The following H4C7 variants were observed in gnomAD, a reference collection of about 807,000 sequenced individuals.
H4C7 encodes the protein histone H4-like protein type G.
H4C7 carries 7 observed loss-of-function variants against 5.2 expected under a neutral mutation model. The observed-to-expected ratio is 1.34, with a 90% confidence interval of 0.76 to 2.52. H4C7 has a LOEUF of 2.52. Ranked by LOEUF, H4C7 falls within the 30% of genes most tolerant of loss-of-function variation. The pLI, the probability that H4C7 is intolerant of heterozygous loss-of-function variation, is 0.00. For synonymous variants in H4C7, 69 were observed against 57.5 expected (o/e 1.20, Z -0.90); for missense variants, 148 against 138.4 (o/e 1.07, Z -0.35).
Position 26,246,883 on chromosome 6 carries a change from T to C in H4C7, c.95A>G (p.Lys32Arg). The C allele has an allele frequency of 6.2e-7, 1 of 1,614,202 alleles. No homozygotes were observed. The highest frequency in any genetic ancestry group is 1.3e-5 in the African/African-American group (1 of 75,056). Reference protein sequence around the residue: ...VLSDNIQGITKCTIRRLARHG... With the variant: ...VLSDNIQGITRCTIRRLARHG... ...CCGGGCCAAGCGCCGGATAGTGCAC[T>C]TGGTAATGCCCTGAATATTATCGCT... The change falls in exon 1 of 1, where the codon AAG becomes AGG. Residue 32 changes from lysine (K) to arginine (R), a missense_variant. Coordinates refer to ENST00000611444, the MANE Select transcript of H4C7 (RefSeq NM_003547.3).
In H4C7 at chr6:26,246,629, G is replaced by T. The variant is rs1021351358; in HGVS notation, c.*52C>A. On this transcript the variant is annotated 3_prime_UTR_variant, in exon 1 of 1. Coordinates refer to ENST00000611444, the MANE Select transcript of H4C7 (RefSeq NM_003547.3). ...GAAAACGTACGCGGCCCTGAAAAGG[G>T]CCATTAACGATATTGCAAGGAAAGG... is the stretch of plus-strand genomic sequence containing the variant. 1.3e-6 allele frequency: 2 copies of T among 1,499,152 alleles called. No homozygotes were observed. The highest frequency in any genetic ancestry group is 1.8e-6 in the Non-Finnish European group (2 of 1,113,732). The allele number at this position is 1,499,152 out of a possible 1,614,324, so 92.9% of individuals were successfully genotyped here. A position where few individuals can be genotyped will look rare whatever the true frequency, so the allele number is the denominator to read the frequency against.
In H4C7 at chr6:26,246,660, C is replaced by T; in HGVS notation, c.*21G>A. 1.3e-6 allele frequency: 2 copies of T among 1,552,730 alleles called. No individual in the cohort carries two copies. Among genetic ancestry groups the T allele is most frequent in the Non-Finnish European group, 1.7e-6 (2 of 1,143,812 alleles). On this transcript the variant is annotated 3_prime_UTR_variant, in exon 1 of 1. Transcript: ENST00000611444. ...AACGATATTGCAAGGAAAGGCCTGG[C>T]CTCACTTAACCGCCAAAGCCTTACA...
Position 26,246,793 on chromosome 6 carries a change from A to G in H4C7, c.185T>C (p.Phe62Ser). 6.2e-7 allele frequency: 1 copy of G among 1,614,118 alleles called. No individual in the cohort carries two copies. The highest frequency in any genetic ancestry group is 2.2e-5 in the East Asian group (1 of 44,858). Residue 62 changes from phenylalanine (F) to serine (S), a missense_variant, in exon 1 of 1, where the codon TTC becomes TCC. Physicochemically the swap from Phe to Ser is radical, Grantham distance 155. Coordinates refer to ENST00000611444, the MANE Select transcript of H4C7 (RefSeq NM_003547.3). ...YEETRRVFKV[F>S]LENVIWYAVT... ...GGCGTACCAGATCACATTTTCCAGG[A>G]ACACCTTGAACACCCGGCGGGTCTC...
rs1265841666 is a variant in H4C7 at position 26,246,661 on chromosome 6, C to G, written c.*20G>C. The G allele has an allele frequency of 6.4e-7, 1 of 1,553,538 alleles. No homozygotes were observed. The highest frequency in any genetic ancestry group is 1.2e-5 in the South Asian group (1 of 83,690). ...ACGATATTGCAAGGAAAGGCCTGGC[C>G]TCACTTAACCGCCAAAGCCTTACAG... is the stretch of plus-strand genomic sequence containing the variant. On this transcript the variant is annotated 3_prime_UTR_variant, in exon 1 of 1. Coordinates refer to ENST00000611444, the MANE Select transcript of H4C7 (RefSeq NM_003547.3).
In H4C7 at chr6:26,246,842, G is replaced by C. The variant is rs781167452; in HGVS notation, c.136C>G (p.Arg46Gly). The C allele has an allele frequency of 1.9e-6, 3 of 1,614,152 alleles. No homozygotes were observed. Among genetic ancestry groups the C allele is most frequent in the South Asian group, 1.1e-5 (1 of 91,092 alleles). The part of the protein sequence containing the change: ...RRLARHGGVK[R>G]ILGLIYEETR... ...TCCTCATAAATGAGGCCCAAGATGC[G>C]CTTGACACCGCCATGCCGGGCCAAG... Residue 46 changes from arginine (R) to glycine (G), a missense_variant, in exon 1 of 1, where the codon CGC (arginine) becomes GGC (glycine). Coordinates refer to ENST00000611444, the MANE Select transcript of H4C7 (RefSeq NM_003547.3).
At position 26,246,759 on chromosome 6, in the gene H4C7, G is replaced by C; in HGVS notation, c.219C>G (p.Asn73Lys). The C allele has an allele frequency of 6.2e-7, 1 of 1,614,084 alleles. No homozygotes were observed. Among genetic ancestry groups the C allele is most frequent in the African/African-American group, 1.3e-5 (1 of 75,050 alleles). The change falls in exon 1 of 1, where the codon AAC becomes AAG. Residue 73 changes from asparagine (N) to lysine (K), a missense_variant. Physicochemically the swap from Asn to Lys is moderately conservative, Grantham distance 94. Coordinates refer to ENST00000611444, the MANE Select transcript of H4C7 (RefSeq NM_003547.3). ...LENVIWYAVTNTEHAKRKTVT... is the reference protein window; with the variant it reads ...LENVIWYAVTKTEHAKRKTVT... ...CCGTCTTGCGCTTGGCGTGCTCCGT[G>C]TTGGTCACGGCGTACCAGATCACAT...
chr6:26,246,904 T>C lies in H4C7; in HGVS notation c.74A>G (p.Asp25Gly). The C allele has an allele frequency of 6.2e-7, 1 of 1,614,142 alleles. No individual in the cohort carries two copies. Among genetic ancestry groups the C allele is most frequent in the Non-Finnish European group, 8.5e-7 (1 of 1,179,996 alleles). Reference sequence around the variant, plus strand: ...GCACTTGGTAATGCCCTGAATATTATCGCTCAGTACCTTGCGATGGCACTT... The same window carrying C: ...GCACTTGGTAATGCCCTGAATATTACCGCTCAGTACCTTGCGATGGCACTT... The part of the protein sequence containing the change: ...GAKCHRKVLS[D>G]NIQGITKCTI... The change falls in exon 1 of 1, where the codon GAT (aspartate) becomes GGT (glycine). Residue 25 changes from aspartate (D) to glycine (G), a missense_variant. Transcript: ENST00000611444.
At position 26,246,831 on chromosome 6, in the gene H4C7, G is replaced by A; in HGVS notation, c.147C>T (p.Gly49=). The change falls in exon 1 of 1, where the codon GGC becomes GGT. Residue 49 remains glycine (G), a synonymous_variant. Transcript: ENST00000611444. ...CCCGGCGGGTCTCCTCATAAATGAGGCCCAAGATGCGCTTGACACCGCCAT... is the reference window on the plus strand; with the variant it reads ...CCCGGCGGGTCTCCTCATAAATGAGACCCAAGATGCGCTTGACACCGCCAT... The part of the protein sequence containing the change: ...ARHGGVKRIL[G]LIYEETRRVF... 1.2e-6 allele frequency: 2 copies of A among 1,614,144 alleles called. No homozygotes were observed. Among genetic ancestry groups the A allele is most frequent in the South Asian group, 1.1e-5 (1 of 91,088 alleles).
rs774688369 is a variant in H4C7, at chr6:26,246,872, G to A, written c.106C>T (p.Arg36Trp). ...ACACCGCCATGCCGGGCCAAGCGCC[G>A]GATAGTGCACTTGGTAATGCCCTGA... Reference protein sequence around the residue: ...NIQGITKCTIRRLARHGGVKR... With the variant: ...NIQGITKCTIWRLARHGGVKR... The change falls in exon 1 of 1, where the codon CGG becomes TGG. Residue 36 changes from arginine (R) to tryptophan (W), a missense_variant. Physicochemically the swap from Arg to Trp is moderately radical, Grantham distance 101. Coordinates refer to ENST00000611444, the MANE Select transcript of H4C7 (RefSeq NM_003547.3). The A allele has an allele frequency of 1.5e-5, 24 of 1,614,030 alleles. No homozygotes were observed. In the Middle Eastern group the frequency reaches 4.9e-4, roughly 33 times the overall value.
In H4C7 at chr6:26,246,711, G is replaced by T. The variant is rs200895747; in HGVS notation, c.267C>A (p.Tyr89Ter). ...GGGTTCTTCCCTGGCGTTTGAGCAC[G>T]TAGACCACGGCCATGGCGGTGACCG... ...RKTVTAMAVVYVLKRQGRTL is the reference protein window; with the variant it reads ...RKTVTAMAVV The change falls in exon 1 of 1, where the codon TAC (tyrosine) becomes TAA (stop). Residue 89 changes from tyrosine (Y) to a stop codon, truncating the protein, a stop_gained. Coordinates refer to ENST00000611444, the MANE Select transcript of H4C7 (RefSeq NM_003547.3). LOFTEE classifies it high-confidence loss of function. 15 of 1,603,242 alleles carry T rather than the reference G, an allele frequency of 9.4e-6. No individual in the cohort carries two copies. Among genetic ancestry groups the T allele is most frequent in the South Asian group, 2.2e-5 (2 of 90,780 alleles).
In H4C7 at chr6:26,246,871, C is replaced by T; in HGVS notation, c.107G>A (p.Arg36Gln). The change falls in exon 1 of 1, where the codon CGG (arginine) becomes CAG (glutamine). Residue 36 changes from arginine to glutamine, a missense_variant. Transcript: ENST00000611444. The stretch of plus-strand genomic sequence containing the variant: ...GACACCGCCATGCCGGGCCAAGCGC[C>T]GGATAGTGCACTTGGTAATGCCCTG... ...NIQGITKCTI[R>Q]RLARHGGVKR... is the part of the protein sequence containing the mutation. 1.9e-6 allele frequency: 3 copies of T among 1,614,140 alleles called. No homozygotes were observed. Among genetic ancestry groups the T allele is most frequent in the Non-Finnish European group, 2.5e-6 (3 of 1,180,022 alleles).
chr6:26,246,666 T>C lies in H4C7; in HGVS notation c.*15A>G, dbSNP rs1193982766. The C allele has an allele frequency of 1.3e-6, 2 of 1,560,160 alleles. No homozygotes were observed. Among genetic ancestry groups the C allele is most frequent in the Non-Finnish European group, 1.7e-6 (2 of 1,147,150 alleles). ...ATTGCAAGGAAAGGCCTGGCCTCAC[T>C]TAACCGCCAAAGCCTTACAGGGTTC... On this transcript the variant is annotated 3_prime_UTR_variant, in exon 1 of 1. Transcript: ENST00000611444.
chr6:26,246,749 C>T lies in H4C7; in HGVS notation c.229G>A (p.Ala77Thr), dbSNP rs1314718236. 1 of 1,613,346 alleles carries T rather than the reference C, an allele frequency of 6.2e-7. No homozygotes were observed. The highest frequency in any genetic ancestry group is 8.5e-7 in the Non-Finnish European group (1 of 1,179,436). Residue 77 changes from alanine to threonine, a missense_variant, in exon 1 of 1, where the codon GCC becomes ACC. Ala to Thr is a moderately conservative substitution (Grantham distance 58, BLOSUM62 0). Coordinates refer to ENST00000611444, the MANE Select transcript of H4C7 (RefSeq NM_003547.3). ...ATGGCGGTGACCGTCTTGCGCTTGG[C>T]GTGCTCCGTGTTGGTCACGGCGTAC... ...IWYAVTNTEH[A>T]KRKTVTAMAV...
At position 26,246,680 on chromosome 6, in the gene H4C7, C is replaced by T. The variant is rs1759964314; in HGVS notation, c.*1G>A. 6.3e-7 allele frequency: 1 copy of T among 1,583,758 alleles called. No homozygotes were observed. On this transcript the variant is annotated 3_prime_UTR_variant, in exon 1 of 1. Coordinates refer to ENST00000611444, the MANE Select transcript of H4C7 (RefSeq NM_003547.3). Reference sequence around the variant, plus strand: ...CCTGGCCTCACTTAACCGCCAAAGCCTTACAGGGTTCTTCCCTGGCGTTTG... The same window carrying T: ...CCTGGCCTCACTTAACCGCCAAAGCTTTACAGGGTTCTTCCCTGGCGTTTG...
rs1354706295 is a variant in H4C7 at position 26,246,917 on chromosome 6, T to G, written c.61A>C (p.Lys21Gln). The change falls in exon 1 of 1, where the codon AAG (lysine) becomes CAG (glutamine). Residue 21 changes from lysine to glutamine, a missense_variant. Coordinates refer to ENST00000611444, the MANE Select transcript of H4C7 (RefSeq NM_003547.3). ...CCCTGAATATTATCGCTCAGTACCT[T>G]GCGATGGCACTTGGCACCGCCTTTC... The part of the protein sequence containing the change: ...LGKGGAKCHR[K>Q]VLSDNIQGIT... 75 of 1,608,494 alleles carry G rather than the reference T, an allele frequency of 4.7e-5. No homozygotes were observed. The highest frequency in any genetic ancestry group is 6.3e-5 in the Non-Finnish European group (74 of 1,175,200).
rs1561757734 is a variant in H4C7 at position 26,246,967 on chromosome 6, C to A, written c.11G>T (p.Arg4Leu). The A allele has an allele frequency of 4.4e-6, 7 of 1,591,464 alleles. No individual in the cohort carries two copies. Among genetic ancestry groups the A allele is most frequent in the Middle Eastern group, 1.7e-4 (1 of 5,966 alleles). The change falls in exon 1 of 1, where the codon CGG becomes CTG. Residue 4 changes from arginine to leucine, a missense_variant. By Grantham distance (102) the Arg-to-Leu change is moderately radical. Coordinates refer to ENST00000611444, the MANE Select transcript of H4C7 (RefSeq NM_003547.3). Reference protein sequence around the residue: MSVRGKAGKGLGKG... With the variant: MSVLGKAGKGLGKG... ...CCCAAGGCCTTTTCCGGCCTTGCCC[C>A]GAACAGACATGATAAACAAGTCAGA...
At position 26,246,896 on chromosome 6, in the gene H4C7, G is replaced by C; in HGVS notation, c.82C>G (p.Gln28Glu). The C allele has an allele frequency of 1.9e-6, 3 of 1,614,176 alleles. No homozygotes were observed. The highest frequency in any genetic ancestry group is 2.5e-6 in the Non-Finnish European group (3 of 1,180,020). The change falls in exon 1 of 1, where the codon CAG becomes GAG. Residue 28 changes from glutamine to glutamate, a missense_variant. Transcript: ENST00000611444. Reference sequence around the variant, plus strand: ...CGGATAGTGCACTTGGTAATGCCCTGAATATTATCGCTCAGTACCTTGCGA... The same window carrying C: ...CGGATAGTGCACTTGGTAATGCCCTCAATATTATCGCTCAGTACCTTGCGA... ...CHRKVLSDNI[Q>E]GITKCTIRRL...
At position 26,246,957 on chromosome 6, in the gene H4C7, G is replaced by T. The variant is rs371099752; in HGVS notation, c.21C>A (p.Ala7=). 1.3e-6 allele frequency: 2 copies of T among 1,599,766 alleles called. No individual in the cohort carries two copies. Among genetic ancestry groups the T allele is most frequent in the African/African-American group, 2.7e-5 (2 of 74,578 alleles). Residue 7 remains alanine (A), a synonymous_variant, in exon 1 of 1, where the codon GCC becomes GCA. Transcript: ENST00000611444. MSVRGK[A]GKGLGKGGAK... ...CACCGCCTTTCCCAAGGCCTTTTCC[G>T]GCCTTGCCCCGAACAGACATGATAA...
In H4C7 at chr6:26,246,654, G is replaced by A. The variant is rs748441484; in HGVS notation, c.*27C>T. On this transcript the variant is annotated 3_prime_UTR_variant, in exon 1 of 1. Coordinates refer to ENST00000611444, the MANE Select transcript of H4C7 (RefSeq NM_003547.3). Reference sequence around the variant, plus strand: ...GCCATTAACGATATTGCAAGGAAAGGCCTGGCCTCACTTAACCGCCAAAGC... The same window carrying A: ...GCCATTAACGATATTGCAAGGAAAGACCTGGCCTCACTTAACCGCCAAAGC... 21 of 1,547,606 alleles carry A rather than the reference G, an allele frequency of 1.4e-5. No homozygotes were observed. Among genetic ancestry groups the A allele is most frequent in the Admixed American group, 1.9e-5 (1 of 52,892 alleles).
Sources: allele counts gnomAD v4.1 joint callset, GRCh38; gene constraint gnomAD v4.1.1; transcripts MANE v1.5; gene names NCBI Gene and HGNC (gene_info 2026-07-23, HGNC 2026-07-21).